Variants in LIMA1 observed in about 807,000 individuals in gnomAD.
LIMA1 encodes LIM domain and actin-binding protein 1.
LIMA1 carries 52 observed loss-of-function variants against 62.6 expected under a neutral mutation model. The ratio of observed to expected loss-of-function variants is 0.83; its 90% CI spans 0.67 to 1.05. LIMA1 has a LOEUF of 1.05. Among genes scored for constraint, LIMA1 ranks in the 50% least tolerant of loss-of-function variants. The pLI, the probability that LIMA1 is intolerant of heterozygous loss-of-function variation, is 0.00. For synonymous variants in LIMA1, 302 were observed against 317.8 expected (o/e 0.95, Z 0.53); for missense variants, 780 against 902.2 (o/e 0.86, Z 1.74).
chr12:50,275,109 C>A (rs556180452), intron 1 of LIMA1, among the ~76,000 whole-genome samples: 1 of 152,178 alleles, frequency 6.6e-6, no homozygotes, highest in South Asian at 2.1e-4. Flanking sequence ...ATAATCCCAG[C>A]ACTTTGGGAA....
chr12:50,268,369 T>A (rs1392396644), intron 1 of LIMA1, among the ~76,000 whole-genome samples: 1 of 152,146 alleles, frequency 6.6e-6, no homozygotes, highest in Non-Finnish European at 1.5e-5. Context: ...GGATCACCTA[T>A]GGAATCTGAA....
intron 9 of LIMA1, chr12:50,185,999 A>G (rs1940622318): frequency 6.5e-6 from 1 of 152,852 alleles, no homozygotes; most frequent in Admixed American, 6.5e-5. Flanking sequence ...CCGACATGGT[A>G]AAATGCCAAC....
At chr12:50,194,586 C>T (rs995309886) in intron 8 of LIMA1, among the ~76,000 whole-genome samples, 1 of 151,868 alleles carries the variant, frequency 6.6e-6, no homozygotes, top group Admixed American at 6.5e-5. Context: ...GTGTGAGCCA[C>T]TGCGCCTGGC....
At chr12:50,221,937 T>C (rs1196919916) in intron 4 of LIMA1, 84 bp downstream of exon 4, 17 of 1,153,946 alleles carry the variant, frequency 1.5e-5, no homozygotes, top group Non-Finnish European at 2.1e-5. Context: ...TATTCGCCTC[T>C]ACTCAAAATA....
chr12:50,177,034 G>T lies in LIMA1; in HGVS notation c.*30C>A, dbSNP rs769840083. 1.3e-6 allele frequency: 2 copies of T among 1,497,652 alleles called. No individual in the cohort carries two copies. Among genetic ancestry groups the T allele is most frequent in the Admixed American group, 4.7e-5 (2 of 42,876 alleles). 92.8% of individuals were successfully genotyped at this position (1,497,652 alleles called of 1,614,324 possible). A position where few individuals can be genotyped will look rare whatever the true frequency, so the allele number is the denominator to read the frequency against. On this transcript the variant is annotated 3_prime_UTR_variant, in exon 11 of 11. Transcript: ENST00000341247. ...GGCAGTGGCTCGCTAACACTAACAT[G>T]AATTTAAGGCCCAGCATCATTGCAA... is the stretch of plus-strand genomic sequence containing the variant.
chr12:50,178,011 G>A lies in LIMA1; in HGVS notation c.1333C>T (p.Leu445Phe). 6.3e-7 allele frequency: 1 copy of A among 1,587,804 alleles called. No individual in the cohort carries two copies. Among genetic ancestry groups the A allele is most frequent in the Non-Finnish European group, 8.5e-7 (1 of 1,170,502 alleles). Residue 445 changes from leucine to phenylalanine, a missense_variant, in exon 11 of 11, where the codon CTC becomes TTC. Leu to Phe is a conservative substitution (Grantham distance 22). Transcript: ENST00000341247. ...RIYCKPHFNQ[L>F]FKSKGNYDEG... Reference sequence around the variant, plus strand: ...TCATAGTTGCCCTTAGATTTAAAGAGTTGATTGAAGTGAGGCTTACAATAG... The same window carrying A: ...TCATAGTTGCCCTTAGATTTAAAGAATTGATTGAAGTGAGGCTTACAATAG...
intron 9 of LIMA1, chr12:50,185,860 C>A: frequency 5.6e-6 from 1 of 180,078 alleles, no homozygotes; most frequent in South Asian, 1.2e-4. Context: ...GAGCTTCTAA[C>A]TAGCCAGACC....
intron 8 of LIMA1, among the ~76,000 whole-genome samples, chr12:50,192,918 C>A (rs558560286): frequency 9.2e-5 from 14 of 152,206 alleles, no homozygotes; most frequent in African/African-American, 2.9e-4. Flanking sequence ...ATAACTTTTT[C>A]TGAAGTGTTT....
chr12:50,220,576 T>C (rs891936059), intron 4 of LIMA1: 1 of 152,260 alleles, frequency 6.6e-6, no homozygotes. Flanking sequence ...ACATTGTGTG[T>C]ACTGGCATGA....
intron 3 of LIMA1, among the ~76,000 whole-genome samples, chr12:50,229,389 G>T (rs926508732): frequency 1.3e-5 from 2 of 152,250 alleles, no homozygotes; most frequent in South Asian, 4.1e-4. Context: ...CATGTCCTTT[G>T]CAGGGACATG....
Position 50,176,344 on chromosome 12 carries a change from A to G in LIMA1, c.*720T>C, listed in dbSNP as rs3184122. The G allele has an allele frequency of 0.29, 44,719 of 152,124 alleles. 7,168 individuals carry two copies. Among genetic ancestry groups the G allele is most frequent in the Non-Finnish European group, 0.37 (24,835 of 67,980 alleles). The allele number at this position is 152,124 out of a possible 1,614,324, so 9.4% of individuals were successfully genotyped here. ...AAAAGAAAGCAATCATTTGGAGTAC[A>G]GTAAATTCACTGGCAGATACAAAAG... On this transcript the variant is annotated 3_prime_UTR_variant, in exon 11 of 11. Transcript: ENST00000341247.
At chr12:50,251,852 C>A (rs540957653) in intron 1 of LIMA1, among the ~76,000 whole-genome samples, 1 of 152,250 alleles carries the variant, frequency 6.6e-6, no homozygotes, top group African/African-American at 2.4e-5. Flanking sequence ...ATGACTCTCA[C>A]CCTGACCACA....
Position 50,192,978 on chromosome 12 carries a change from CTG to C in LIMA1, c.1031-419_1031-418del, listed in dbSNP as rs558118348. On this transcript the variant is annotated intron_variant, in intron 8 of 10. Coordinates refer to ENST00000341247, the MANE Select transcript of LIMA1 (RefSeq NM_016357.5). ...GATGTGAGGGCAGAAATTTTGTACT[CTG>C]TGTGTGTGTGTGTGTGTGTGTGTGC... Among the ~76,000 whole-genome samples the C allele has an allele frequency of 1.5e-3, 211 of 145,112 alleles. 1 individual carries two copies. The highest frequency in any genetic ancestry group is 0.014 in the Middle Eastern group (4 of 276).
At chr12:50,183,022 T>C (rs1940539714) in intron 9 of LIMA1, among the ~76,000 whole-genome samples, 1 of 151,942 alleles carries the variant, frequency 6.6e-6, no homozygotes, top group Non-Finnish European at 1.5e-5. Context: ...GCCAACATGG[T>C]GAAACCCCGT....
intron 1 of LIMA1, among the ~76,000 whole-genome samples, chr12:50,252,786 A>G (rs1271458983): frequency 6.6e-6 from 1 of 152,156 alleles, no homozygotes; most frequent in Non-Finnish European, 1.5e-5. Context: ...CACCTGTAAG[A>G]TAAGATCTCT....
rs1017553924 is a variant in LIMA1 at position 50,213,309 on chromosome 12, G to T, written c.631-7241C>A. On this transcript the variant is annotated intron_variant, in intron 4 of 10. Coordinates refer to ENST00000341247, the MANE Select transcript of LIMA1 (RefSeq NM_016357.5). ...TTTTCAATTTTTGCCAGTTTCCTTA[G>T]ATTTCAAAGATATGTAGGGCCCATT... is the stretch of plus-strand genomic sequence containing the variant. Among the ~76,000 whole-genome samples, 11 of 152,326 alleles carry T rather than the reference G, an allele frequency of 7.2e-5. 1 individual carries two copies. The highest frequency in any genetic ancestry group is 1.5e-4 in the Non-Finnish European group (10 of 68,022).
In LIMA1 at chr12:50,177,605, C is replaced by T. The variant is rs772821365; in HGVS notation, c.1739G>A (p.Arg580Gln). The T allele has an allele frequency of 3.7e-6, 6 of 1,610,438 alleles. No individual in the cohort carries two copies. Among genetic ancestry groups the T allele is most frequent in the South Asian group, 2.2e-5 (2 of 90,366 alleles). Residue 580 changes from arginine to glutamine, a missense_variant, in exon 11 of 11, where the codon CGA (arginine) becomes CAA (glutamine). Coordinates refer to ENST00000341247, the MANE Select transcript of LIMA1 (RefSeq NM_016357.5). ...DVDLDLKKLR[R>Q]SSSLKERSRP... Reference sequence around the variant, plus strand: ...GCTTCTTTCCTTCAGTGAAGAAGATCGTCTTAGCTTCTTCAGATCTAGATC... The same window carrying T: ...GCTTCTTTCCTTCAGTGAAGAAGATTGTCTTAGCTTCTTCAGATCTAGATC...
chr12:50,195,866 G>C lies in LIMA1; in HGVS notation c.994C>G (p.Leu332Val), dbSNP rs768266612. 24 of 1,583,660 alleles carry C rather than the reference G, an allele frequency of 1.5e-5. No homozygotes were observed. Among genetic ancestry groups the C allele is most frequent in the Non-Finnish European group, 2.0e-5 (23 of 1,170,576 alleles). ...GEKISANENS[L>V]AVRSTPAEDD... ...TCGGCAGGGGTGGAACGGACTGCCA[G>C]GCTATTCTCATTTGCAGAAATCTAC... Residue 332 changes from leucine to valine, a missense_variant, in exon 8 of 11, where the codon CTG becomes GTG. Transcript: ENST00000341247.
intron 1 of LIMA1, among the ~76,000 whole-genome samples, chr12:50,268,918 G>C (rs1052168548): frequency 1.3e-5 from 2 of 152,074 alleles, no homozygotes; most frequent in Non-Finnish European, 1.5e-5. Context: ...GGTATTTAGG[G>C]GCTGTCTGGA....
Sources: allele counts gnomAD v4.1 joint callset (sites outside exome capture counted in the v4.1 genomes callset), GRCh38; gene constraint gnomAD v4.1.1; transcripts MANE v1.5; gene names NCBI Gene and HGNC (gene_info 2026-07-23, HGNC 2026-07-21).